The following PTGER4 variants were observed in gnomAD, a reference collection of about 807,000 sequenced individuals.
PTGER4 encodes prostaglandin E2 receptor EP4 subtype.
A neutral mutation model predicts 33.2 loss-of-function variants in PTGER4; 11 were observed. The observed-to-expected ratio is 0.33, with a 90% CI of 0.21 to 0.55. PTGER4 has a LOEUF of 0.55. Among genes scored for constraint, PTGER4 ranks in the 20% least tolerant of loss-of-function variants. The pLI is 0.92. For missense variants in PTGER4, 481 were observed against 650.2 expected, an observed-to-expected ratio of 0.74 and a Z score of 2.83; for synonymous variants, 275 against 281.5, an observed-to-expected ratio of 0.98 and a Z score of 0.23.
At chr5:40,689,263 T>C (rs905260101) in intron 2 of PTGER4, among the ~76,000 whole-genome samples, 1 of 152,030 alleles carries the variant, frequency 6.6e-6, no homozygotes. Context: ...ACAAAGGAAA[T>C]GAACAAAAAT....
downstream of PTGER4, chr5:40,693,761 G>A (rs1295044401): frequency 9.3e-6 from 9 of 964,420 alleles, no homozygotes; most frequent in Admixed American, 6.2e-5. Context: ...CTCAGTTTGG[G>A]AAAACTTGTG....
At chr5:40,685,692 G>C (rs1057039512) in intron 2 of PTGER4, among the ~76,000 whole-genome samples, 1 of 152,148 alleles carries the variant, frequency 6.6e-6, no homozygotes, top group Non-Finnish European at 1.5e-5. Flanking sequence ...TAAGGAGAAA[G>C]TAGGGCTGAC....
the PTGER4 span, chr5:40,716,136 C>T: frequency 3.8e-6 from 6 of 1,581,648 alleles, no homozygotes; most frequent in Non-Finnish European, 5.2e-6. Context: ...TAATCCTATG[C>T]ATACTGCTTC....
In PTGER4 at chr5:40,692,263, T is replaced by A; in HGVS notation, c.1352T>A (p.Val451Asp). ...DSSQGQDSES[V>D]LLVDEAGGSG... ...TCACAGGGTCAGGACTCAGAGAGTG[T>A]CTTACTGGTGGATGAGGCTGGTGGG... The change falls in exon 3 of 3, where the codon GTC becomes GAC. Residue 451 changes from valine to aspartate, a missense_variant. Physicochemically the swap from Val to Asp is radical, Grantham distance 152 (BLOSUM62 -3). This residue lies in a region of PTGER4 where 172 missense variants were observed against 199.2 expected (regional missense o/e 0.86). Transcript: ENST00000302472. 1 of 1,614,216 alleles carries A rather than the reference T, an allele frequency of 6.2e-7. No homozygotes were observed. The highest frequency in any genetic ancestry group is 8.5e-7 in the Non-Finnish European group (1 of 1,180,044).
downstream of PTGER4, among the ~76,000 whole-genome samples, chr5:40,694,178 C>T (rs1741536250): frequency 6.6e-6 from 1 of 152,122 alleles, no homozygotes; most frequent in Admixed American, 6.5e-5. Context: ...AGCCTCTTGA[C>T]TAGCTGAGAT....
At chr5:40,709,568 T>C in the PTGER4 span, among the ~76,000 whole-genome samples, 1 of 152,188 alleles carries the variant, frequency 6.6e-6, no homozygotes, top group East Asian at 1.9e-4. Flanking sequence ...TCCATGCTCA[T>C]GGATAGGAAG....
Position 40,681,751 on chromosome 5 carries a change from A to G in PTGER4, c.758A>G (p.Asp253Gly), listed in dbSNP as rs763409519. 3.1e-6 allele frequency: 5 copies of G among 1,595,340 alleles called. No individual in the cohort carries two copies. The African/African-American group carries it at 6.9e-5, about 22-fold the overall frequency. The change falls in exon 2 of 3, where the codon GAC becomes GGC. Residue 253 changes from aspartate (D) to glycine (G), a missense_variant. Around this residue, in one of 7 missense-constraint regions of PTGER4, gnomAD observed 174 missense variants for 210.5 expected, o/e 0.83. Coordinates refer to ENST00000302472, the MANE Select transcript of PTGER4 (RefSeq NM_000958.3). The surrounding 1 kb of genome is among the most constrained non-coding windows in gnomAD (Gnocchi z 9.8). The stretch of plus-strand genomic sequence containing the variant: ...TCCCCAGCCTTGCCGCGCCTCAGCG[A>G]CTTTCGGCGCCGCCGGAGCTTCCGC... ...AASPALPRLS[D>G]FRRRRSFRRI...
chr5:40,681,570 T>C lies in PTGER4; in HGVS notation c.577T>C (p.Ser193Pro). 6.2e-7 allele frequency: 1 copy of C among 1,610,872 alleles called. No individual in the cohort carries two copies. The change falls in exon 2 of 3, where the codon TCC (serine) becomes CCC (proline). Residue 193 changes from serine (S) to proline (P), a missense_variant. Ser to Pro is a moderately conservative substitution (Grantham distance 74). This residue lies in a region of PTGER4 where 174 missense variants were observed against 210.5 expected (regional missense o/e 0.83). Coordinates refer to ENST00000302472, the MANE Select transcript of PTGER4 (RefSeq NM_000958.3). The surrounding 1 kb of genome is among the most constrained non-coding windows in gnomAD (Gnocchi z 9.8). ...CTCCTACATGTACGCGGGCTTCAGC[T>C]CCTTCCTCATTCTCGCCACCGTCCT... ...AYSYMYAGFS[S>P]FLILATVLCN...
chr5:40,743,254 C>T, the PTGER4 span, among the ~76,000 whole-genome samples: 1 of 152,202 alleles, frequency 6.6e-6, no homozygotes, highest in Non-Finnish European at 1.5e-5. Context: ...GACAGGAAGA[C>T]AGGCAGCAGA....
At chr5:40,686,641 ATCT>A (rs1365871384) in intron 2 of PTGER4, among the ~76,000 whole-genome samples, 1 of 152,232 alleles carries the variant, frequency 6.6e-6, no homozygotes, top group Non-Finnish European at 1.5e-5. Context: ...TTGTCACCAC[ATCT>A]TCTTCTGAAC....
At chr5:40,730,343 T>C in the PTGER4 span, 1 of 1,612,514 alleles carries the variant, frequency 6.2e-7, no homozygotes, top group Admixed American at 1.7e-5. Flanking sequence ...CCTCCCGATA[T>C]CTGTGGTTGT....
the PTGER4 span, among the ~76,000 whole-genome samples, chr5:40,725,346 G>GTCCA: frequency 6.6e-6 from 1 of 151,958 alleles, no homozygotes; most frequent in African/African-American, 2.4e-5. Flanking sequence ...ATTATCACTT[G>GTCCA]TCCATCCCAT....
At chr5:40,723,773 G>A in the PTGER4 span, among the ~76,000 whole-genome samples, 1 of 152,044 alleles carries the variant, frequency 6.6e-6, no homozygotes, top group Non-Finnish European at 1.5e-5. Flanking sequence ...GCTGAGGCAG[G>A]AGAATCACTC....
At chr5:40,732,118 TC>T in the PTGER4 span, among the ~76,000 whole-genome samples, 1 of 152,182 alleles carries the variant, frequency 6.6e-6, no homozygotes, top group Non-Finnish European at 1.5e-5. Flanking sequence ...CTCAAGGGCC[TC>T]CCACCTCAGC....
chr5:40,710,913 A>G, the PTGER4 span, among the ~76,000 whole-genome samples: 1 of 152,038 alleles, frequency 6.6e-6, no homozygotes, highest in African/African-American at 2.4e-5. Context: ...AACATCACAC[A>G]CTGGGGCCTG....
the PTGER4 span, among the ~76,000 whole-genome samples, chr5:40,738,284 C>T: frequency 6.6e-6 from 1 of 151,324 alleles, no homozygotes; most frequent in Non-Finnish European, 1.5e-5. Context: ...TAGAGTGGTG[C>T]GCGCCTGTAA....
the PTGER4 span, among the ~76,000 whole-genome samples, chr5:40,727,608 C>T: frequency 6.6e-6 from 1 of 152,282 alleles, no homozygotes; most frequent in Middle Eastern, 3.4e-3. Context: ...TGTTCATCAC[C>T]ATTACCCTCC....
chr5:40,722,195 A>G, the PTGER4 span, among the ~76,000 whole-genome samples: 1 of 151,208 alleles, frequency 6.6e-6, no homozygotes, highest in Non-Finnish European at 1.5e-5. Context: ...ACAGAGGGAG[A>G]CTCTGTCTCA....
chr5:40,681,688 C>A lies in PTGER4; in HGVS notation c.695C>A (p.Ala232Glu). ...SLGTEQHHAA[A>E]AASVASRGHP... ...GGCACCGAGCAGCACCACGCGGCCG[C>A]GGCCGCCTCGGTTGCCTCCCGGGGC... is the stretch of plus-strand genomic sequence containing the variant. The change falls in exon 2 of 3, where the codon GCG (alanine) becomes GAG (glutamate). Residue 232 changes from alanine to glutamate, a missense_variant. Around this residue, in one of 7 missense-constraint regions of PTGER4, gnomAD observed 174 missense variants for 210.5 expected, o/e 0.83. Transcript: ENST00000302472. The surrounding 1 kb of genome is among the most constrained non-coding windows in gnomAD (Gnocchi z 9.8). 6.4e-7 allele frequency: 1 copy of A among 1,571,180 alleles called. No individual in the cohort carries two copies.
Sources: gnomAD v4.1 joint callset for allele counts (sites outside exome capture counted in the v4.1 genomes callset) on GRCh38, gnomAD v4.1.1 for gene constraint, gnomAD v4.1.1 regional missense constraint, Gnocchi (gnomAD v3.1) non-coding constraint, MANE v1.5 for transcripts, NCBI Gene and HGNC (gene_info 2026-07-23, HGNC 2026-07-21) for gene names.